KMT2D: variants seen among roughly 807,000 people sequenced by gnomAD.
KMT2D encodes the protein histone-lysine N-methyltransferase 2D.
A neutral mutation model predicts 512.7 loss-of-function variants in KMT2D; 55 were observed. The observed-to-expected ratio is 0.11, with a 90% confidence interval of 0.09 to 0.13. The LOEUF is 0.13. Ranked by LOEUF, KMT2D falls within the 10% of genes least tolerant of loss-of-function variation. The pLI is 1.00. For missense variants in KMT2D, 6,061 were observed against 7,127.9 expected (o/e 0.85, Z 5.39); for synonymous variants, 2,995 against 2,904.0 (o/e 1.03, Z -1.01).
In KMT2D at chr12:49,051,633, G is replaced by A. The variant is rs2120673526; in HGVS notation, c.2050C>T (p.Pro684Ser). Residue 684 changes from proline (P) to serine (S), a missense_variant, in exon 11 of 55, where the codon CCT becomes TCT. Coordinates refer to ENST00000301067, the MANE Select transcript of KMT2D (RefSeq NM_003482.4). ...GGTGGGGAGAGGCGTGAAGCCTCAGGTGGAGGGGACGTGGGAGACTCCTCA... is the reference window on the plus strand; with the variant it reads ...GGTGGGGAGAGGCGTGAAGCCTCAGATGGAGGGGACGTGGGAGACTCCTCA... ...PPEESPTSPP[P>S]EASRLSPPPE... is the part of the protein sequence containing the mutation. 1 of 1,574,828 alleles carries A rather than the reference G, an allele frequency of 6.3e-7. No homozygotes were observed. The highest frequency in any genetic ancestry group is 8.6e-7 in the Non-Finnish European group (1 of 1,157,702).
chr12:49,058,855 G>C (rs1032276744), intron 1 of KMT2D, among the ~76,000 whole-genome samples: 1 of 152,130 alleles, frequency 6.6e-6, no homozygotes, highest in Non-Finnish European at 1.5e-5. Flanking sequence ...TACATTCGCA[G>C]GGAGCAAATC....
At position 49,032,562 on chromosome 12, in the gene KMT2D, G is replaced by A. The variant is rs527255553; in HGVS notation, c.12143C>T (p.Pro4048Leu). The A allele has an allele frequency of 1.5e-5, 24 of 1,612,944 alleles. No individual in the cohort carries two copies. The Middle Eastern group carries it at 6.6e-4, about 44-fold the overall frequency. ...TEGPSTHQGG[P>L]LAIGTTPESM... Reference sequence around the variant, plus strand: ...CTCAGGGGTAGTTCCTATTGCTAACGGCCCTCCCTGATGTGTAGAGGGCCC... The same window carrying A: ...CTCAGGGGTAGTTCCTATTGCTAACAGCCCTCCCTGATGTGTAGAGGGCCC... Residue 4048 changes from proline to leucine, a missense_variant, in exon 40 of 55, where the codon CCG becomes CTG. Physicochemically the swap from Pro to Leu is moderately conservative, Grantham distance 98. Around this residue, in one of 16 missense-constraint regions of KMT2D, gnomAD observed 1,600 missense variants for 1,754.9 expected, o/e 0.91. Transcript: ENST00000301067.
chr12:49,028,821 G>A lies in KMT2D; in HGVS notation c.14382+7C>T, dbSNP rs769899655. ...CCCCTCAGCCTCGAGGTACCCCTAG[G>A]ACACACCTTGGCTGCAGCAGCAGAG... is the stretch of plus-strand genomic sequence containing the variant. On this transcript the variant is annotated splice_region_variant and intron_variant, in intron 46 of 54. Transcript: ENST00000301067. 6.2e-7 allele frequency: 1 copy of A among 1,613,674 alleles called. No homozygotes were observed. Among genetic ancestry groups the A allele is most frequent in the Non-Finnish European group, 8.5e-7 (1 of 1,179,822 alleles).
Position 49,019,998 on chromosome 12 carries a change from C to G in KMT2D, c.*1782G>C, listed in dbSNP as rs902632481. ...ACAAAATGCCCTTTGCCCACAGCCCCTAGAAGAGAACTGCATATAAGCTTC... is the reference window on the plus strand; with the variant it reads ...ACAAAATGCCCTTTGCCCACAGCCCGTAGAAGAGAACTGCATATAAGCTTC... On this transcript the variant is annotated 3_prime_UTR_variant, in exon 55 of 55. Coordinates refer to ENST00000301067, the MANE Select transcript of KMT2D (RefSeq NM_003482.4). The G allele has an allele frequency of 9.2e-6, 2 of 217,098 alleles. No individual in the cohort carries two copies. Among genetic ancestry groups the G allele is most frequent in the Admixed American group, 1.2e-4 (2 of 17,212 alleles). The allele number at this position is 217,098 out of a possible 1,614,324, so 13.4% of individuals were successfully genotyped here.
In KMT2D at chr12:49,040,541, C is replaced by T. The variant is rs587778466; in HGVS notation, c.7229G>A (p.Arg2410Gln). ...CTGGGACTGAGGACTGGCAGGCACT[C>T]GGGAGAAAGGGTCGGAGGGCAGTGA... is the stretch of plus-strand genomic sequence containing the variant. ...PRSLPSDPFS[R>Q]VPASPQSQSS... is the part of the protein sequence containing the mutation. Residue 2410 changes from arginine (R) to glutamine (Q), a missense_variant, in exon 32 of 55, where the codon CGA (arginine) becomes CAA (glutamine). Arg to Gln is a conservative substitution (Grantham distance 43, BLOSUM62 1). Transcript: ENST00000301067. The T allele has an allele frequency of 5.6e-6, 9 of 1,604,554 alleles. No homozygotes were observed. The highest frequency in any genetic ancestry group is 4.0e-5 in the African/African-American group (3 of 74,182).
rs201114196 is a variant in KMT2D at position 49,040,469 on chromosome 12, G to T, written c.7301C>A (p.Ala2434Asp). 1.1e-4 allele frequency: 179 copies of T among 1,566,260 alleles called. 1 individual carries two copies. The Admixed American group carries it at 2.2e-3, about 19-fold the overall frequency. Residue 2434 changes from alanine to aspartate, a missense_variant, in exon 32 of 55, where the codon GCT becomes GAT. Coordinates refer to ENST00000301067, the MANE Select transcript of KMT2D (RefSeq NM_003482.4). ...PLTPRPLSAEAFCPSPVTPRF... is the reference protein window; with the variant it reads ...PLTPRPLSAEDFCPSPVTPRF... ...AGGGGTAACGGGTGATGGGCAAAAA[G>T]CTTCAGCAGACAGAGGCCGGGGTGT... is the stretch of plus-strand genomic sequence containing the variant.
At position 49,042,970 on chromosome 12, in the gene KMT2D, G is replaced by C. The variant is rs2120562012; in HGVS notation, c.5645-92C>G. ...ATGATCATGGCCAGGAACAGTCCAG[G>C]ACTCCCCACCAGAGAAGCTGTACAG... On this transcript the variant is annotated intron_variant, in intron 26 of 54. Transcript: ENST00000301067. This position sits in a 1 kb window ranked among gnomAD's most constrained non-coding sequence, Gnocchi z 4.4. 6.3e-7 allele frequency: 1 copy of C among 1,575,490 alleles called. No individual in the cohort carries two copies. The highest frequency in any genetic ancestry group is 8.7e-7 in the Non-Finnish European group (1 of 1,147,682).
chr12:49,026,235 T>C lies in KMT2D; in HGVS notation c.15731A>G (p.Lys5244Arg), dbSNP rs1321544261. 6.9e-6 allele frequency: 11 copies of C among 1,602,826 alleles called. No homozygotes were observed. Among genetic ancestry groups the C allele is most frequent in the Admixed American group, 1.7e-5 (1 of 59,800 alleles). The part of the protein sequence containing the change: ...ENNGRPEFVI[K>R]VIEQGLEDLV... Reference sequence around the variant, plus strand: ...GTCCTCCAGGCCCTGCTCGATGACTTTGATTACAAACTCCGGCCGCCCGTT... The same window carrying C: ...GTCCTCCAGGCCCTGCTCGATGACTCTGATTACAAACTCCGGCCGCCCGTT... The change falls in exon 49 of 55, where the codon AAA becomes AGA. Residue 5244 changes from lysine to arginine, a missense_variant. Physicochemically the swap from Lys to Arg is conservative, Grantham distance 26. This residue lies in a region of KMT2D where 261 missense variants were observed against 440.7 expected (regional missense o/e 0.59). Transcript: ENST00000301067. The surrounding 1 kb of genome is among the most constrained non-coding windows in gnomAD (Gnocchi z 9.6).
In KMT2D at chr12:49,044,773, A is replaced by G. The variant is rs2120587471; in HGVS notation, c.4934T>C (p.Leu1645Pro). The G allele has an allele frequency of 6.2e-7, 1 of 1,613,904 alleles. No homozygotes were observed. Among genetic ancestry groups the G allele is most frequent in the Non-Finnish European group, 8.5e-7 (1 of 1,179,816 alleles). ...LGPDDKKDGD[L>P]DTDELLKGEG... ...ACCCTTGAGCAGCTCATCGGTGTCC[A>G]GGTCCCCATCCTTCTTGTCATCAGG... The change falls in exon 20 of 55, where the codon CTG (leucine) becomes CCG (proline). Residue 1645 changes from leucine (L) to proline (P), a missense_variant. Coordinates refer to ENST00000301067, the MANE Select transcript of KMT2D (RefSeq NM_003482.4). The surrounding 1 kb of genome is among the most constrained non-coding windows in gnomAD (Gnocchi z 6.4).
At position 49,022,677 on chromosome 12, in the gene KMT2D, T is replaced by C. The variant is rs760580783; in HGVS notation, c.16251A>G (p.Leu5417=). The C allele has an allele frequency of 1.3e-5, 21 of 1,613,916 alleles. No homozygotes were observed. Among genetic ancestry groups the C allele is most frequent in the Non-Finnish European group, 1.5e-5 (18 of 1,179,908 alleles). Residue 5417 remains leucine (L), a synonymous_variant, in exon 52 of 55, where the codon CTA becomes CTG. Coordinates refer to ENST00000301067, the MANE Select transcript of KMT2D (RefSeq NM_003482.4). The surrounding 1 kb of genome is among the most constrained non-coding windows in gnomAD (Gnocchi z 8.6). ...QGLGLYAAKD[L]EKHTMVIEYI... ...ACTCGATAACCATTGTGTGCTTTTC[T>C]AGGTCCTTGGCTGCATAGAGCCCCA... is the stretch of plus-strand genomic sequence containing the variant.
At position 49,046,915 on chromosome 12, in the gene KMT2D, G is replaced by T; in HGVS notation, c.4237-125C>A. The T allele has an allele frequency of 1.3e-6, 1 of 785,060 alleles. No homozygotes were observed. The highest frequency in any genetic ancestry group is 2.0e-6 in the Non-Finnish European group (1 of 503,686). The allele number at this position is 785,060 out of a possible 1,614,324, so 48.6% of individuals were successfully genotyped here. ...GGCTGGAGTGCAATGGCGCGATCTC[G>T]GCTCACTGCAACCTCTGCCTCTCAG... On this transcript the variant is annotated intron_variant, in intron 15 of 54. Transcript: ENST00000301067. The surrounding 1 kb of genome is among the most constrained non-coding windows in gnomAD (Gnocchi z 4.2).
rs1592170792 is a variant in KMT2D at position 49,060,622 on chromosome 12, G to C, written c.-1047C>G. Among the ~76,000 whole-genome samples, 1 of 152,250 alleles carries C rather than the reference G, an allele frequency of 6.6e-6. No homozygotes were observed. The highest frequency in any genetic ancestry group is 1.9e-4 in the East Asian group (1 of 5,186). ...CCCCCCTCCGCCTCCTGTTCGGCCG[G>C]TAGGGTGGTTCCTGCGAAGGGGCTA... On this transcript the variant is annotated 5_prime_UTR_variant, in exon 1 of 55. Coordinates refer to ENST00000301067, the MANE Select transcript of KMT2D (RefSeq NM_003482.4).
Position 49,051,579 on chromosome 12 carries a change from G to T in KMT2D, c.2104C>A (p.Pro702Thr), listed in dbSNP as rs373229483. The T allele has an allele frequency of 6.2e-7, 1 of 1,602,896 alleles. No homozygotes were observed. The highest frequency in any genetic ancestry group is 1.3e-5 in the African/African-American group (1 of 74,836). The change falls in exon 11 of 55, where the codon CCT (proline) becomes ACT (threonine). Residue 702 changes from proline to threonine, a missense_variant. This residue lies in a region of KMT2D where 848 missense variants were observed against 838.5 expected (regional missense o/e 1.01). Coordinates refer to ENST00000301067, the MANE Select transcript of KMT2D (RefSeq NM_003482.4). ...GGTGGGGAAGCAGGTGAGTCCTCAG[G>T]TGGTGGGGATGTGGGGGAGTCCTCA... ...PPEDSPTSPP[P>T]EDSPASPPPE... is the part of the protein sequence containing the mutation.
At position 49,038,653 on chromosome 12, in the gene KMT2D, A is replaced by G. The variant is rs2120501586; in HGVS notation, c.8703T>C (p.Pro2901=). ...GGTPFPGQGP[P]QRPRFYPVSE... Reference sequence around the variant, plus strand: ...TTACAGGGTAAAAACGGGGTCTCTGAGGTGGGCCCTGACCAGGAAACGGAG... The same window carrying G: ...TTACAGGGTAAAAACGGGGTCTCTGGGGTGGGCCCTGACCAGGAAACGGAG... The change falls in exon 35 of 55, where the codon CCT becomes CCC. Residue 2901 remains proline (P), a synonymous_variant. Coordinates refer to ENST00000301067, the MANE Select transcript of KMT2D (RefSeq NM_003482.4). This position sits in a 1 kb window ranked among gnomAD's most constrained non-coding sequence, Gnocchi z 5.7. 6.2e-7 allele frequency: 1 copy of G among 1,612,992 alleles called. No homozygotes were observed. The highest frequency in any genetic ancestry group is 8.5e-7 in the Non-Finnish European group (1 of 1,179,812).
chr12:49,029,536 T>C (rs916410919), intron 43 of KMT2D, 60 bp from the exon 44 acceptor site: 13 of 1,265,322 alleles, frequency 1.0e-5, no homozygotes, highest in Non-Finnish European at 2.2e-6. Context: ...GATGGTACCT[T>C]CTCCCAATAT....
chr12:49,057,703 C>A (rs1938492940), intron 1 of KMT2D, among the ~76,000 whole-genome samples: 1 of 152,140 alleles, frequency 6.6e-6, no homozygotes. Flanking sequence ...GTTAATAGGC[C>A]CCTGAACATA....
chr12:49,038,091 C>A lies in KMT2D; in HGVS notation c.9265G>T (p.Val3089Leu). 6.2e-7 allele frequency: 1 copy of A among 1,613,692 alleles called. No individual in the cohort carries two copies. Among genetic ancestry groups the A allele is most frequent in the Non-Finnish European group, 8.5e-7 (1 of 1,179,836 alleles). ...TCAGGGCCCAAGGGTCCTGGCTCCACCCCCCGCAGCAGGGCCTCCCGTTCA... is the reference window on the plus strand; with the variant it reads ...TCAGGGCCCAAGGGTCCTGGCTCCAACCCCCGCAGCAGGGCCTCCCGTTCA... ...KAEREALLRG[V>L]EPGPLGPEER... Residue 3089 changes from valine to leucine, a missense_variant, in exon 35 of 55, where the codon GTG (valine) becomes TTG (leucine). Physicochemically the swap from Val to Leu is conservative, Grantham distance 32 (BLOSUM62 1). Transcript: ENST00000301067. This position sits in a 1 kb window ranked among gnomAD's most constrained non-coding sequence, Gnocchi z 5.7.
chr12:49,035,059 G>A, intron 35 of KMT2D, 124 bp from the exon 36 acceptor site: 1 of 1,231,964 alleles, frequency 8.1e-7, no homozygotes, highest in Non-Finnish European at 1.1e-6. Flanking sequence ...AAGGCAGAAA[G>A]ACCACTGAAT....
rs1245691669 is a variant in KMT2D at position 49,022,019 on chromosome 12, C to G, written c.16521+24G>C. ...GAAAGGAGGAGGAGCTGCTTTGTCA[C>G]TCAGTCAGGATACTTCCTCTCACCT... On this transcript the variant is annotated intron_variant, in intron 54 of 54. Coordinates refer to ENST00000301067, the MANE Select transcript of KMT2D (RefSeq NM_003482.4). This position sits in a 1 kb window ranked among gnomAD's most constrained non-coding sequence, Gnocchi z 8.6. The G allele has an allele frequency of 6.2e-7, 1 of 1,601,202 alleles. No individual in the cohort carries two copies. Among genetic ancestry groups the G allele is most frequent in the Non-Finnish European group, 8.6e-7 (1 of 1,168,392 alleles).
Sources: gnomAD v4.1 joint callset for allele counts (sites outside exome capture counted in the v4.1 genomes callset) on GRCh38, gnomAD v4.1.1 for gene constraint, gnomAD v4.1.1 regional missense constraint, Gnocchi (gnomAD v3.1) non-coding constraint, MANE v1.5 for transcripts, NCBI Gene and HGNC (gene_info 2026-07-23, HGNC 2026-07-21) for gene names.